The following LAMC3 variants were observed in gnomAD, a reference collection of about 807,000 sequenced individuals.
LAMC3 encodes laminin subunit gamma 3.
LAMC3 carries 128 observed loss-of-function variants against 173.8 expected under a neutral mutation model. The observed-to-expected ratio is 0.74, with a 90% CI of 0.64 to 0.85. LAMC3 has a LOEUF of 0.85. Ranked by LOEUF, LAMC3 falls within the 40% of genes least tolerant of loss-of-function variation. The pLI is 0.00. For missense variants in LAMC3, 2,022 were observed against 2,156.0 expected, an observed-to-expected ratio of 0.94 and a Z score of 1.23; for synonymous variants, 897 against 909.1, an observed-to-expected ratio of 0.99 and a Z score of 0.24.
chr9:131,048,968 C>T, intron 8 of LAMC3, 52 bp from the exon 9 acceptor site: 1 of 1,207,772 alleles, frequency 8.3e-7, no homozygotes, highest in South Asian at 1.4e-5. Context: ...CACCTGGAGA[C>T]CACCCTCCGG....
intron 7 of LAMC3, among the ~76,000 whole-genome samples, chr9:131,043,101 A>G (rs576003462): frequency 6.6e-6 from 1 of 152,350 alleles, no homozygotes; most frequent in Non-Finnish European, 1.5e-5. Context: ...ACCCTGCTTC[A>G]GGAAGCCCCT....
chr9:131,060,937 A>T, intron 12 of LAMC3, 98 bp from the exon 13 acceptor site: 2 of 1,272,148 alleles, frequency 1.6e-6, no homozygotes, highest in East Asian at 4.7e-5. Flanking sequence ...TCCCCACCCC[A>T]CTTCTGCCCG....
intron 18 of LAMC3, among the ~76,000 whole-genome samples, chr9:131,072,428 A>G (rs777461506): frequency 1.3e-5 from 2 of 152,150 alleles, no homozygotes; most frequent in African/African-American, 2.4e-5. Context: ...TGCTGTGGGT[A>G]GGACCTCGGG....
intron 1 of LAMC3, among the ~76,000 whole-genome samples, chr9:131,025,344 C>T (rs1343568880): frequency 6.6e-6 from 1 of 152,186 alleles, no homozygotes; most frequent in South Asian, 2.1e-4. Flanking sequence ...CCTCCCTACC[C>T]CAGCCTCCCA....
chr9:131,010,040 G>C (rs1320070201), intron 1 of LAMC3, among the ~76,000 whole-genome samples: 2 of 151,438 alleles, frequency 1.3e-5, no homozygotes, highest in African/African-American at 4.9e-5. Flanking sequence ...TGTAGTTCCA[G>C]CTACTCAGGA....
chr9:131,074,007 C>T (rs1318950957), intron 20 of LAMC3, among the ~76,000 whole-genome samples: 10 of 141,246 alleles, frequency 7.1e-5, no homozygotes, highest in African/African-American at 2.6e-4. Flanking sequence ...AGTGCAGTGG[C>T]GCTATCTCGG....
rs1554789671 is a variant in LAMC3 at position 131,071,589 on chromosome 9, AG to A, written c.3181del (p.Asp1061ThrfsTer20). On this transcript the variant is annotated frameshift_variant, in exon 18 of 28. Coordinates refer to ENST00000361069, the MANE Select transcript of LAMC3 (RefSeq NM_006059.4). LOFTEE classifies it high-confidence loss of function. ...PLDILLGEAP[R>X]GDVYQGHHLL... Reference sequence around the variant, plus strand: ...AGACATTCTGCTGGGAGAGGCCCCAAGGGGGGACGTCTACCAGGGCCATCAC... The same window carrying A: ...AGACATTCTGCTGGGAGAGGCCCCAAGGGGGACGTCTACCAGGGCCATCAC... 3 of 1,604,916 alleles carry A rather than the reference AG, an allele frequency of 1.9e-6. No individual in the cohort carries two copies. The highest frequency in any genetic ancestry group is 1.1e-5 in the South Asian group (1 of 90,068).
chr9:131,040,178 A>G (rs558918466), intron 6 of LAMC3, among the ~76,000 whole-genome samples: 1 of 144,598 alleles, frequency 6.9e-6, no homozygotes, highest in Non-Finnish European at 1.5e-5. Context: ...CATGCCCACT[A>G]TCTCTATTTT....
intron 9 of LAMC3, among the ~76,000 whole-genome samples, chr9:131,051,780 C>T (rs1834290549): frequency 6.6e-6 from 1 of 151,642 alleles, no homozygotes; most frequent in African/African-American, 2.4e-5. Flanking sequence ...GTGGCTTTCT[C>T]ACGGGTAAGG....
At chr9:131,011,122 C>A (rs1166978486) in intron 1 of LAMC3, among the ~76,000 whole-genome samples, 1 of 152,222 alleles carries the variant, frequency 6.6e-6, no homozygotes, top group Non-Finnish European at 1.5e-5. Context: ...TATTCATTCG[C>A]TTTGCTACTG....
At chr9:131,022,832 C>T (rs1206589018) in intron 1 of LAMC3, among the ~76,000 whole-genome samples, 1 of 152,204 alleles carries the variant, frequency 6.6e-6, no homozygotes, top group Admixed American at 6.5e-5. Flanking sequence ...CCAGCCTCAG[C>T]CTCCCAAAGT....
In LAMC3 at chr9:131,068,191, C is replaced by A. The variant is rs147545288; in HGVS notation, c.2707C>A (p.Pro903Thr). The part of the protein sequence containing the change: ...VTARDCSRCY[P>T]GFFDLQPGRG... ...TGCACGGGACTGCAGCCGCTGCTAC[C>A]CTGGCTTCTTCGACCTCCAGCCTGG... The change falls in exon 15 of 28, where the codon CCT (proline) becomes ACT (threonine). Residue 903 changes from proline (P) to threonine (T), a missense_variant. Coordinates refer to ENST00000361069, the MANE Select transcript of LAMC3 (RefSeq NM_006059.4). 2.5e-6 allele frequency: 4 copies of A among 1,612,640 alleles called. No homozygotes were observed. The highest frequency in any genetic ancestry group is 3.3e-5 in the Admixed American group (2 of 59,996).
At position 131,091,807 on chromosome 9, in the gene LAMC3, C is replaced by G. The variant is rs377729921; in HGVS notation, c.*20C>G. The G allele has an allele frequency of 9.3e-6, 15 of 1,610,370 alleles. No individual in the cohort carries two copies. The highest frequency in any genetic ancestry group is 1.3e-5 in the Non-Finnish European group (15 of 1,179,850). On this transcript the variant is annotated 3_prime_UTR_variant, in exon 28 of 28. Transcript: ENST00000361069. ...CAGTGAGGGCTGCCCAGATCCCCGG[C>G]ACACACTCCCCCACCTGCTGTTTAC...
Position 131,009,186 on chromosome 9 carries a change from C to A in LAMC3, c.-29C>A. On this transcript the variant is annotated 5_prime_UTR_variant, in exon 1 of 28. Transcript: ENST00000361069. The surrounding 1 kb of genome is among the most constrained non-coding windows in gnomAD (Gnocchi z 4.3). Reference sequence around the variant, plus strand: ...GCCCACCCTAGCCGAGCGGGGCCGGCAGAGCGCGCGGCGTCGGTGCCCTTG... The same window carrying A: ...GCCCACCCTAGCCGAGCGGGGCCGGAAGAGCGCGCGGCGTCGGTGCCCTTG... The A allele has an allele frequency of 8.5e-7, 1 of 1,182,992 alleles. No homozygotes were observed. The highest frequency in any genetic ancestry group is 1.0e-6 in the Non-Finnish European group (1 of 958,852). The allele number at this position is 1,182,992 out of a possible 1,614,324, so 73.3% of individuals were successfully genotyped here.
Position 131,079,212 on chromosome 9 carries a change from TCATGGCAGCA to T in LAMC3, c.3848_3857del (p.Gln1283ProfsTer33). The T allele has an allele frequency of 6.2e-7, 1 of 1,614,138 alleles. No individual in the cohort carries two copies. The highest frequency in any genetic ancestry group is 8.5e-7 in the Non-Finnish European group (1 of 1,179,996). ...GAAGGCCCTGGAGAAGACAGTTGCA[TCATGGCAGCA>T]CATGGCCACTGAGGCTGCCCGAACC... is the stretch of plus-strand genomic sequence containing the variant. On this transcript the variant is annotated frameshift_variant, in exon 23 of 28. Transcript: ENST00000361069. LOFTEE classifies it high-confidence loss of function.
chr9:131,010,540 C>T (rs990215814), intron 1 of LAMC3, among the ~76,000 whole-genome samples: 2 of 152,208 alleles, frequency 1.3e-5, no homozygotes, highest in African/African-American at 4.8e-5. Context: ...CTGAATTGGT[C>T]ACCCTCTAGG....
At chr9:131,064,541 T>TA (rs1313940353) in intron 13 of LAMC3, among the ~76,000 whole-genome samples, 1 of 151,872 alleles carries the variant, frequency 6.6e-6, no homozygotes, top group Non-Finnish European at 1.5e-5. Context: ...CGGGCGCCTG[T>TA]AGTCCCAGCT....
chr9:131,027,181 C>G (rs1833735482), intron 2 of LAMC3, among the ~76,000 whole-genome samples: 1 of 152,256 alleles, frequency 6.6e-6, no homozygotes, highest in Non-Finnish European at 1.5e-5. Context: ...CCTGTGAGGG[C>G]TGTCAACCCA....
At chr9:131,040,015 C>CTTTTT (rs35416772) in intron 6 of LAMC3, among the ~76,000 whole-genome samples, 1 of 127,292 alleles carries the variant, frequency 7.9e-6, no homozygotes. Flanking sequence ...AATTTAGAAG[C>CTTTTT]TTTTTTTTTT....
Sources: gnomAD v4.1 joint callset for allele counts (sites outside exome capture counted in the v4.1 genomes callset) on GRCh38, gnomAD v4.1.1 for gene constraint, Gnocchi (gnomAD v3.1) non-coding constraint, MANE v1.5 for transcripts, NCBI Gene and HGNC (gene_info 2026-07-23, HGNC 2026-07-21) for gene names.